CDK13: variants seen among roughly 807,000 people sequenced by gnomAD.
CDK13 encodes the protein cyclin-dependent kinase 13.
In CDK13, 40 loss-of-function variants were observed where a neutral mutation model predicts 137.6. That is an observed-to-expected ratio of 0.29 (90% CI 0.23 to 0.38). The LOEUF (loss-of-function observed/expected upper bound fraction) is 0.38, where lower values mean the gene tolerates loss of function less well. Among genes scored for constraint, CDK13 ranks in the 10% least tolerant of loss-of-function variants. The pLI, the probability that CDK13 is intolerant of heterozygous loss-of-function variation, is 1.00. For synonymous variants in CDK13, 869 were observed against 760.1 expected, an observed-to-expected ratio of 1.14 and a Z score of -2.36; for missense variants, 1,704 against 1,951.8, an observed-to-expected ratio of 0.87 and a Z score of 2.39.
intron 5 of CDK13, among the ~76,000 whole-genome samples, chr7:40,037,983 T>C (rs1267726384): frequency 6.6e-6 from 1 of 152,218 alleles, no homozygotes; most frequent in Non-Finnish European, 1.5e-5. Flanking sequence ...TTTCCAGTTT[T>C]TTAGGGATTG....
In CDK13 at chr7:40,057,547, G is replaced by A. The variant is rs184422264; in HGVS notation, c.2601-5279G>A. Among the ~76,000 whole-genome samples the A allele has an allele frequency of 3.1e-3, 472 of 152,322 alleles. 7 individuals are homozygous for A. The highest frequency in any genetic ancestry group is 0.011 in the African/African-American group (447 of 41,564). On this transcript the variant is annotated intron_variant, in intron 7 of 13. Transcript: ENST00000181839. ...CCTAACTGCAGTGAGGATGGGAAATGTAGCAGAGCTGGACAGCTGCCATAG... is the reference window on the plus strand; with the variant it reads ...CCTAACTGCAGTGAGGATGGGAAATATAGCAGAGCTGGACAGCTGCCATAG...
chr7:39,951,175 C>A lies in CDK13; in HGVS notation c.534C>A (p.Gly178=). The A allele has an allele frequency of 1.6e-6, 2 of 1,242,938 alleles. No individual in the cohort carries two copies. Among genetic ancestry groups the A allele is most frequent in the Non-Finnish European group, 2.0e-6 (2 of 995,344 alleles). The allele number at this position is 1,242,938 out of a possible 1,614,324, so 77.0% of individuals were successfully genotyped here. Residue 178 remains glycine (G), a synonymous_variant, in exon 1 of 14, where the codon GGC becomes GGA. Transcript: ENST00000181839. ...CTGCCGGGGGAACGGGGGGCAGCGG[C>A]GGGAGTCCGGCCTCCTCCTCCGGCA... ...ATAAGGTGGS[G]GSPASSSGTQ...
intron 9 of CDK13, among the ~76,000 whole-genome samples, chr7:40,076,582 T>G (rs1432807231): frequency 6.6e-6 from 1 of 151,364 alleles, no homozygotes; most frequent in East Asian, 1.9e-4. Context: ...AATTGGACTT[T>G]AAGACAAAAG....
chr7:39,957,925 A>G (rs1341022684), intron 1 of CDK13, among the ~76,000 whole-genome samples: 1 of 151,840 alleles, frequency 6.6e-6, no homozygotes, highest in Non-Finnish European at 1.5e-5. Context: ...TGTGAATATC[A>G]TTTTGTTGTT....
chr7:40,094,116 T>C lies in CDK13; in HGVS notation c.3689-14T>C. 3 of 1,608,730 alleles carry C rather than the reference T, an allele frequency of 1.9e-6. No homozygotes were observed. Among genetic ancestry groups the C allele is most frequent in the Non-Finnish European group, 2.5e-6 (3 of 1,178,580 alleles). On this transcript the variant is annotated splice_polypyrimidine_tract_variant and intron_variant, in intron 13 of 13. Transcript: ENST00000181839. ...TGGTAACTTTTGACCTTGTTTTTGC[T>C]CTGTTTCACTTAGGACAAGATGACC...
intron 11 of CDK13, among the ~76,000 whole-genome samples, chr7:40,085,485 G>A (rs1786769216): frequency 6.6e-6 from 1 of 152,106 alleles, no homozygotes; most frequent in South Asian, 2.1e-4. Context: ...CAAGAGCAAT[G>A]CATTCCCTGA....
At chr7:40,023,431 C>T (rs1350593084) in intron 5 of CDK13, among the ~76,000 whole-genome samples, 3 of 151,772 alleles carry the variant, frequency 2.0e-5, no homozygotes, top group African/African-American at 4.8e-5. Flanking sequence ...AGACTTTGAT[C>T]GGGAAGTTTA....
At chr7:39,982,258 A>G (rs1378503913) in intron 1 of CDK13, among the ~76,000 whole-genome samples, 4 of 150,686 alleles carry the variant, frequency 2.7e-5, no homozygotes, top group Admixed American at 6.7e-5. Context: ...GAGTGAGAAC[A>G]TGCGGTGTTT....
intron 9 of CDK13, among the ~76,000 whole-genome samples, chr7:40,073,872 G>C (rs184323023): frequency 9.4e-5 from 14 of 149,186 alleles, no homozygotes; most frequent in African/African-American, 3.2e-4. Flanking sequence ...TTACAGGCGT[G>C]AGCAACCGTG....
intron 1 of CDK13, among the ~76,000 whole-genome samples, chr7:39,968,537 T>C (rs1159969212): frequency 6.6e-6 from 1 of 152,178 alleles, no homozygotes. Context: ...TGTGCCTCAC[T>C]CCCATCACCA....
In CDK13 at chr7:39,951,422, G is replaced by C. The variant is rs1028194933; in HGVS notation, c.781G>C (p.Ala261Pro). 2 of 1,526,950 alleles carry C rather than the reference G, an allele frequency of 1.3e-6. No homozygotes were observed. Among genetic ancestry groups the C allele is most frequent in the Non-Finnish European group, 8.8e-7 (1 of 1,138,764 alleles). 94.6% of individuals were successfully genotyped at this position (1,526,950 alleles called of 1,614,324 possible). The change falls in exon 1 of 14, where the codon GCT (alanine) becomes CCT (proline). Residue 261 changes from alanine (A) to proline (P), a missense_variant. Ala to Pro is a conservative substitution (Grantham distance 27). Transcript: ENST00000181839. ...SSSSGGRRKS[A>P]SATSSSSSSR... ...CAGCAGCGGCGGCCGCCGGAAAAGC[G>C]CTTCGGCCACATCCAGCAGCAGTAG...
chr7:39,968,072 C>A (rs1040685718), intron 1 of CDK13, among the ~76,000 whole-genome samples: 3 of 151,976 alleles, frequency 2.0e-5, no homozygotes, highest in Non-Finnish European at 2.9e-5. Context: ...GTCCTTTGCC[C>A]GTTTTTGAAA....
chr7:39,950,666 C>T lies in CDK13; in HGVS notation c.25C>T (p.Leu9=), dbSNP rs1787121320. The change falls in exon 1 of 14, where the codon CTG becomes TTG. Residue 9 remains leucine, a synonymous_variant. Transcript: ENST00000181839. MPSSSDTA[L]GGGGGLSWAE... Reference sequence around the variant, plus strand: ...GATGCCGAGCAGCTCGGACACGGCGCTGGGGGGAGGCGGGGGCCTGAGCTG... The same window carrying T: ...GATGCCGAGCAGCTCGGACACGGCGTTGGGGGGAGGCGGGGGCCTGAGCTG... 2 of 1,376,144 alleles carry T rather than the reference C, an allele frequency of 1.5e-6. No individual in the cohort carries two copies. Among genetic ancestry groups the T allele is most frequent in the South Asian group, 1.6e-5 (1 of 60,646 alleles). The allele number at this position is 1,376,144 out of a possible 1,614,324, so 85.2% of individuals were successfully genotyped here.
intron 1 of CDK13, among the ~76,000 whole-genome samples, chr7:39,959,031 T>A (rs1435879756): frequency 6.6e-6 from 1 of 152,192 alleles, no homozygotes; most frequent in Admixed American, 6.5e-5. Flanking sequence ...CCTCAAATGA[T>A]CTGCCCACCT....
chr7:39,985,186 A>AT (rs1055870376), intron 1 of CDK13: 1 of 147,008 alleles, frequency 6.8e-6, no homozygotes, highest in African/African-American at 2.5e-5. Context: ...AATTGTTTTA[A>AT]TTTTTAGCTC....
At chr7:40,035,177 C>T (rs1021940839) in intron 5 of CDK13, among the ~76,000 whole-genome samples, 2 of 152,156 alleles carry the variant, frequency 1.3e-5, no homozygotes, top group Admixed American at 1.3e-4. Context: ...TCCACAACTA[C>T]ATTACATATG....
rs186570389 is a variant in CDK13, at chr7:40,091,221, G to A, written c.3236-1564G>A. On this transcript the variant is annotated intron_variant, in intron 12 of 13. Coordinates refer to ENST00000181839, the MANE Select transcript of CDK13 (RefSeq NM_003718.5). ...TTAGCCGGGCGTGGTGGTGGCAGGC[G>A]CCTGTAGTCCCAGCTACTCGGGAGG... 5.1e-3 allele frequency among the ~76,000 whole-genome samples: 771 copies of A among 152,248 alleles called. 2 individuals carry two copies. Among genetic ancestry groups the A allele is most frequent in the Non-Finnish European group, 9.5e-3 (648 of 68,016 alleles).
intron 9 of CDK13, among the ~76,000 whole-genome samples, chr7:40,068,555 G>A (rs1276222594): frequency 4.6e-5 from 7 of 151,434 alleles, no homozygotes; most frequent in Admixed American, 3.3e-4. Flanking sequence ...TTACCTGGGC[G>A]CAGTGGTGTG....
chr7:40,094,076 A>G, intron 13 of CDK13, 54 bp from the exon 14 acceptor site: 1 of 1,574,302 alleles, frequency 6.4e-7, no homozygotes, highest in Non-Finnish European at 8.6e-7. Flanking sequence ...AGTATTTTGA[A>G]TATTTAGTTT....
Sources: gnomAD v4.1 joint callset for allele counts (sites outside exome capture counted in the v4.1 genomes callset) on GRCh38, gnomAD v4.1.1 for gene constraint, MANE v1.5 for transcripts, NCBI Gene and HGNC (gene_info 2026-07-23, HGNC 2026-07-21) for gene names.